Variants in FRMD3 observed in about 807,000 individuals in gnomAD.
FRMD3 encodes FERM domain containing 3.
In FRMD3, 33 loss-of-function variants were observed where a neutral mutation model predicts 70.2. That is an observed-to-expected ratio of 0.47 (90% CI 0.36 to 0.63). FRMD3 has a LOEUF of 0.63. FRMD3 is among the 20% of genes least tolerant of loss of function. The pLI is 0.00. For synonymous variants in FRMD3, 279 were observed against 255.9 expected (o/e 1.09, Z -0.86); for missense variants, 632 against 711.4 (o/e 0.89, Z 1.27).
intron 1 of FRMD3, among the ~76,000 whole-genome samples, chr9:83,426,958 A>G (rs1364908638): frequency 6.6e-6 from 1 of 152,214 alleles, no homozygotes; most frequent in Non-Finnish European, 1.5e-5. Context: ...TGTGAAACCA[A>G]ACAAACTTAT....
intron 1 of FRMD3, among the ~76,000 whole-genome samples, chr9:83,409,138 C>T (rs1587825569): frequency 6.6e-6 from 1 of 152,172 alleles, no homozygotes; most frequent in East Asian, 1.9e-4. Context: ...CTTTTCTCCA[C>T]CAGGTTCCCA....
At chr9:83,571,253 T>C in the FRMD3 span, among the ~76,000 whole-genome samples, 2 of 152,176 alleles carry the variant, frequency 1.3e-5, no homozygotes, top group Non-Finnish European at 2.9e-5. Flanking sequence ...TCACTCCCCT[T>C]CTACTTTCCA....
intron 2 of FRMD3, among the ~76,000 whole-genome samples, chr9:83,381,221 C>T (rs552361645): frequency 7.2e-5 from 11 of 152,250 alleles, no homozygotes; most frequent in African/African-American, 1.7e-4. Flanking sequence ...CTGTAGATCA[C>T]GAACGCTCAA....
intron 1 of FRMD3, among the ~76,000 whole-genome samples, chr9:83,418,874 C>A (rs1359616069): frequency 6.6e-6 from 1 of 152,132 alleles, no homozygotes; most frequent in African/African-American, 2.4e-5. Flanking sequence ...CTTTGTGAAC[C>A]AACCTAAGTG....
intron 1 of FRMD3, among the ~76,000 whole-genome samples, chr9:83,508,866 G>T (rs1224039959): frequency 3.3e-5 from 5 of 152,062 alleles, no homozygotes; most frequent in Non-Finnish European, 5.9e-5. Flanking sequence ...TGAGTAGCTG[G>T]CTGGCCAAGT....
chr9:83,561,921 C>T, the FRMD3 span, among the ~76,000 whole-genome samples: 1 of 152,222 alleles, frequency 6.6e-6, no homozygotes, highest in African/African-American at 2.4e-5. Flanking sequence ...CCACAATTCA[C>T]TGTGTATGTG....
intron 13 of FRMD3, among the ~76,000 whole-genome samples, chr9:83,266,737 C>T (rs1431957788): frequency 6.6e-6 from 1 of 152,158 alleles, no homozygotes; most frequent in Non-Finnish European, 1.5e-5. Context: ...CACTGCCTCC[C>T]TCTCCCTCCT....
chr9:83,449,836 A>C (rs1189129008), intron 1 of FRMD3, among the ~76,000 whole-genome samples: 1 of 152,212 alleles, frequency 6.6e-6, no homozygotes, highest in African/African-American at 2.4e-5. Context: ...TAAGATTGGA[A>C]ACTCATGTAT....
intron 2 of FRMD3, among the ~76,000 whole-genome samples, chr9:83,374,065 C>T (rs772800635): frequency 4.3e-4 from 66 of 152,188 alleles, no homozygotes; most frequent in Non-Finnish European, 6.2e-4. Context: ...ACTCCACTTA[C>T]AAATAAGAAG....
At chr9:83,364,555 C>T (rs1296233915) in intron 3 of FRMD3, among the ~76,000 whole-genome samples, 1 of 122,002 alleles carries the variant, frequency 8.2e-6, no homozygotes, top group South Asian at 3.0e-4. Context: ...ACCCCATCTC[C>T]AAAAAAAAAA....
chr9:83,378,259 T>A (rs1289365649), intron 2 of FRMD3, among the ~76,000 whole-genome samples: 2 of 115,710 alleles, frequency 1.7e-5, no homozygotes, highest in East Asian at 2.3e-4. Flanking sequence ...TCCTTCTTTT[T>A]TGTTTTTTTT....
chr9:83,295,498 T>C (rs1236102621), intron 12 of FRMD3, among the ~76,000 whole-genome samples: 1 of 150,648 alleles, frequency 6.6e-6, no homozygotes, highest in African/African-American at 2.4e-5. Context: ...CACCTCATAT[T>C]TGTATGGCAC....
intron 1 of FRMD3, among the ~76,000 whole-genome samples, chr9:83,521,127 A>C (rs562327659): frequency 6.6e-6 from 1 of 152,048 alleles, no homozygotes; most frequent in East Asian, 1.9e-4. Context: ...TGACAAGCAC[A>C]AGACTCCATC....
the FRMD3 span, among the ~76,000 whole-genome samples, chr9:83,568,967 C>G: frequency 0.2 from 25,613 of 128,658 alleles, 2,562 homozygotes; most frequent in Admixed American, 0.26. Flanking sequence ...TACATACATA[C>G]ATACATACAT....
intron 1 of FRMD3, among the ~76,000 whole-genome samples, chr9:83,406,684 GC>G (rs1826114145): frequency 6.6e-6 from 1 of 152,180 alleles, no homozygotes; most frequent in Non-Finnish European, 1.5e-5. Flanking sequence ...TTGGTTCCTT[GC>G]CATTGGGCAA....
intron 1 of FRMD3, among the ~76,000 whole-genome samples, chr9:83,415,614 CTTTTTTTTTTT>C (rs1168650565): frequency 9.2e-6 from 1 of 108,962 alleles, no homozygotes; most frequent in East Asian, 2.7e-4. Flanking sequence ...GACTAATTTT[CTTTTTTTTTTT>C]TTTTTTTTGG....
chr9:83,381,510 C>T (rs571717734), intron 2 of FRMD3, among the ~76,000 whole-genome samples: 2 of 151,502 alleles, frequency 1.3e-5, no homozygotes, highest in African/African-American at 4.8e-5. Context: ...GAGCCTAGAT[C>T]CTGCCACTGC....
intron 1 of FRMD3, among the ~76,000 whole-genome samples, chr9:83,416,786 T>TCTCTCC (rs1220396275): frequency 1.7e-5 from 1 of 58,286 alleles, no homozygotes; most frequent in Non-Finnish European, 3.4e-5. Flanking sequence ...TCTCTCTCTC[T>TCTCTCC]CACTCTCTCT....
At position 83,247,383 on chromosome 9, in the gene FRMD3, T is replaced by TG; in HGVS notation, c.*534_*535insC. Reference sequence around the variant, plus strand: ...TACATGTAAATAACTCCAGGAGGCTTCTTTTTTTTTTTTGCTAAAAATTTA... The same window carrying TG: ...TACATGTAAATAACTCCAGGAGGCTTGCTTTTTTTTTTTTGCTAAAAATTTA... On this transcript the variant is annotated 3_prime_UTR_variant, in exon 14 of 14. Coordinates refer to ENST00000304195, the MANE Select transcript of FRMD3 (RefSeq NM_174938.6). 1.2e-6 allele frequency: 1 copy of TG among 864,208 alleles called. No individual in the cohort carries two copies. The highest frequency in any genetic ancestry group is 3.3e-5 in the African/African-American group (1 of 30,002). The allele number at this position is 864,208 out of a possible 1,614,324, so 53.5% of individuals were successfully genotyped here.
Sources: allele counts gnomAD v4.1 joint callset (sites outside exome capture counted in the v4.1 genomes callset), GRCh38; gene constraint gnomAD v4.1.1; transcripts MANE v1.5; gene names NCBI Gene and HGNC (gene_info 2026-07-23, HGNC 2026-07-21).